CDC42BPA: variants seen among roughly 807,000 people sequenced by gnomAD.
CDC42BPA encodes serine/threonine-protein kinase MRCK alpha.
CDC42BPA carries 80 observed loss-of-function variants against 223.5 expected under a neutral mutation model. The observed-to-expected ratio is 0.36, with a 90% CI of 0.30 to 0.43. The LOEUF is 0.43. CDC42BPA is among the 20% of genes least tolerant of loss of function. The pLI is 1.00. For synonymous variants in CDC42BPA, 694 were observed against 718.6 expected (o/e 0.97, Z 0.55); for missense variants, 1,743 against 2,099.9 (o/e 0.83, Z 3.32).
At chr1:227,312,617 C>T (rs534603972) in intron 1 of CDC42BPA, among the ~76,000 whole-genome samples, 1 of 152,170 alleles carries the variant, frequency 6.6e-6, no homozygotes, top group Admixed American at 6.5e-5. Flanking sequence ...CTTTAAGAGG[C>T]TGAGGTGGGA....
chr1:227,254,717 T>C (rs2148291887), intron 1 of CDC42BPA, among the ~76,000 whole-genome samples: 1 of 152,368 alleles, frequency 6.6e-6, no homozygotes, highest in South Asian at 2.1e-4. Flanking sequence ...AAGACAAGTA[T>C]GCATATATGC....
At chr1:227,297,897 A>G (rs1690917842) in intron 1 of CDC42BPA, among the ~76,000 whole-genome samples, 1 of 150,402 alleles carries the variant, frequency 6.6e-6, no homozygotes, top group Non-Finnish European at 1.5e-5. Context: ...TGACACCACC[A>G]AATAATACAC....
intron 34 of CDC42BPA, among the ~76,000 whole-genome samples, chr1:227,006,614 ACTTTCAAAC>A (rs1351643529): frequency 3.3e-5 from 5 of 152,114 alleles, no homozygotes; most frequent in African/African-American, 1.2e-4. Context: ...CTGCAGTATC[ACTTTCAAAC>A]CTCCTTTTAG....
At chr1:227,044,431 A>G (rs1671998878) in intron 23 of CDC42BPA, among the ~76,000 whole-genome samples, 1 of 152,198 alleles carries the variant, frequency 6.6e-6, no homozygotes, top group East Asian at 1.9e-4. Context: ...TTTCTGTTTT[A>G]AATTTTTAAA....
chr1:227,197,686 A>T (rs1670976570), intron 4 of CDC42BPA, among the ~76,000 whole-genome samples: 1 of 152,124 alleles, frequency 6.6e-6, no homozygotes, highest in Non-Finnish European at 1.5e-5. Context: ...ACCAAAATGT[A>T]GACTTTTAAG....
rs142936056 is a variant in CDC42BPA at position 227,171,906 on chromosome 1, T to C, written c.600-11270A>G. 5.0e-3 allele frequency among the ~76,000 whole-genome samples: 758 copies of C among 152,274 alleles called. 5 individuals are homozygous for C. The highest frequency in any genetic ancestry group is 0.017 in the African/African-American group (708 of 41,558). On this transcript the variant is annotated intron_variant, in intron 5 of 36. Coordinates refer to ENST00000366766, the MANE Select transcript of CDC42BPA (RefSeq NM_001394014.1). ...GATTGGTCCCTGACAACCACTAATT[T>C]AAGACAGGCATTTCTCTTCCCAGCA...
At chr1:227,139,302 G>C (rs1041291233) in intron 10 of CDC42BPA, among the ~76,000 whole-genome samples, 1 of 151,976 alleles carries the variant, frequency 6.6e-6, no homozygotes. Flanking sequence ...AAGTGAGGAG[G>C]GTCCCATTTC....
Position 227,026,047 on chromosome 1 carries a change from T to C in CDC42BPA, c.4530+8A>G, listed in dbSNP as rs1327526244. 1 of 1,517,250 alleles carries C rather than the reference T, an allele frequency of 6.6e-7. No homozygotes were observed. Among genetic ancestry groups the C allele is most frequent in the African/African-American group, 1.4e-5 (1 of 72,544 alleles). 94.0% of individuals were successfully genotyped at this position (1,517,250 alleles called of 1,614,324 possible). ...GTTGGCTTAGCCCACATTTTAATGT[T>C]AAATTACCTTTTTGAGAGGAAGAGT... On this transcript the variant is annotated splice_region_variant and intron_variant, in intron 31 of 36. Transcript: ENST00000366766.
chr1:227,208,124 G>A (rs1417409076), intron 3 of CDC42BPA, among the ~76,000 whole-genome samples: 6 of 139,068 alleles, frequency 4.3e-5, no homozygotes, highest in Admixed American at 1.5e-4. Context: ...CAGTGATGAC[G>A]AGCATTTTTT....
At chr1:227,199,426 G>A in intron 4 of CDC42BPA, 131 bp downstream of exon 4, 2 of 549,108 alleles carry the variant, frequency 3.6e-6, no homozygotes, top group Non-Finnish European at 6.3e-6. Context: ...CATATCAAGT[G>A]AACAACTTAC....
intron 10 of CDC42BPA, among the ~76,000 whole-genome samples, chr1:227,132,904 C>T (rs554297895): frequency 6.6e-6 from 1 of 151,568 alleles, no homozygotes; most frequent in Non-Finnish European, 1.5e-5. Flanking sequence ...GCAACCGCCC[C>T]GACTGAGAGG....
At chr1:227,211,682 A>C (rs189203146) in intron 3 of CDC42BPA, among the ~76,000 whole-genome samples, 124 of 152,116 alleles carry the variant, frequency 8.2e-4, no homozygotes, top group East Asian at 4.3e-3. Context: ...GCCAAATACC[A>C]CATGTTCTCA....
intron 34 of CDC42BPA, chr1:227,010,974 A>G: frequency 7.3e-7 from 1 of 1,363,494 alleles, no homozygotes. Flanking sequence ...TTTCAGCAGA[A>G]TTAACAGTCA....
intron 15 of CDC42BPA, among the ~76,000 whole-genome samples, chr1:227,094,673 C>G (rs529893003): frequency 1.3e-5 from 2 of 152,200 alleles, no homozygotes; most frequent in Non-Finnish European, 2.9e-5. Flanking sequence ...AAATTAAATA[C>G]AGCCAAATTT....
At chr1:227,056,755 G>A (rs1178588789) in intron 21 of CDC42BPA, among the ~76,000 whole-genome samples, 1 of 152,044 alleles carries the variant, frequency 6.6e-6, no homozygotes, top group Non-Finnish European at 1.5e-5. Context: ...CAAAGTAGAA[G>A]GTAATTTAAT....
chr1:227,006,660 G>A (rs1310534934), intron 34 of CDC42BPA, among the ~76,000 whole-genome samples: 2 of 152,182 alleles, frequency 1.3e-5, no homozygotes, highest in African/African-American at 4.8e-5. Context: ...ATTCTGGCCA[G>A]GCACGGTGGC....
intron 1 of CDC42BPA, among the ~76,000 whole-genome samples, chr1:227,270,511 C>T (rs868681249): frequency 3.3e-5 from 5 of 152,146 alleles, no homozygotes; most frequent in Admixed American, 1.3e-4. Flanking sequence ...TTCTTCTAAA[C>T]CTCACTTGTA....
At chr1:227,102,688 C>T (rs1412646349) in intron 14 of CDC42BPA, among the ~76,000 whole-genome samples, 1 of 151,854 alleles carries the variant, frequency 6.6e-6, no homozygotes, top group Non-Finnish European at 1.5e-5. Flanking sequence ...CCAAATAGAA[C>T]ACAAATGATA....
chr1:227,131,892 C>T (rs1657178110), intron 10 of CDC42BPA, among the ~76,000 whole-genome samples: 1 of 152,186 alleles, frequency 6.6e-6, no homozygotes, highest in Admixed American at 6.5e-5. Context: ...GATTAACTGG[C>T]CACATCCTAA....
Sources: allele counts gnomAD v4.1 joint callset (sites outside exome capture counted in the v4.1 genomes callset), GRCh38; gene constraint gnomAD v4.1.1; transcripts MANE v1.5; gene names NCBI Gene and HGNC (gene_info 2026-07-23, HGNC 2026-07-21).